The following RIPOR3 variants were observed in gnomAD, a reference collection of about 807,000 sequenced individuals.
RIPOR3 encodes RIPOR family member 3.
RIPOR3 carries 95 observed loss-of-function variants against 114.3 expected under a neutral mutation model. The observed-to-expected ratio is 0.83, with a 90% CI of 0.70 to 0.99. The LOEUF (loss-of-function observed/expected upper bound fraction) is 0.99, where lower values mean the gene tolerates loss of function less well. Ranked by LOEUF, RIPOR3 falls within the 50% of genes least tolerant of loss-of-function variation. The pLI, the probability that RIPOR3 is intolerant of heterozygous loss-of-function variation, is 0.00. For synonymous variants in RIPOR3, 575 were observed against 543.8 expected, an observed-to-expected ratio of 1.06 and a Z score of -0.80; for missense variants, 1,252 against 1,266.9, an observed-to-expected ratio of 0.99 and a Z score of 0.18.
At chr20:50,591,273 G>C (rs753212469) in intron 19 of RIPOR3, among the ~76,000 whole-genome samples, 4 of 152,184 alleles carry the variant, frequency 2.6e-5, no homozygotes, top group Non-Finnish European at 4.4e-5. Context: ...TAATTTTTTA[G>C]ATAAGATAAT....
intron 1 of RIPOR3, among the ~76,000 whole-genome samples, chr20:50,631,695 T>C (rs558617925): frequency 1.3e-5 from 2 of 152,316 alleles, no homozygotes; most frequent in Admixed American, 6.5e-5. Context: ...CCCCGATCCA[T>C]TGCCCAGTCT....
At chr20:50,587,358 C>G (rs17788230) in intron 21 of RIPOR3, 26 bp from the exon 22 acceptor site, 1 of 1,599,692 alleles carries the variant, frequency 6.3e-7, no homozygotes, top group South Asian at 1.1e-5. Context: ...GACCTGTCAG[C>G]GGGTTGGATC....
intron 2 of RIPOR3, among the ~76,000 whole-genome samples, chr20:50,621,954 C>A (rs967995327): frequency 1.3e-5 from 2 of 152,178 alleles, no homozygotes; most frequent in African/African-American, 4.8e-5. Context: ...ACCCTCATCA[C>A]AGCACAGAGC....
At chr20:50,641,881 A>G (rs1348387642) in intron 1 of RIPOR3, among the ~76,000 whole-genome samples, 1 of 152,084 alleles carries the variant, frequency 6.6e-6, no homozygotes, top group African/African-American at 2.4e-5. Context: ...TAACCCTCCC[A>G]ATGCAGGGCG....
At chr20:50,646,209 C>T (rs778301957) in intron 1 of RIPOR3, among the ~76,000 whole-genome samples, 1 of 152,122 alleles carries the variant, frequency 6.6e-6, no homozygotes. Context: ...CTCACTGCAA[C>T]CTCAATGTCC....
chr20:50,648,216 C>T (rs2085484527), intron 1 of RIPOR3, among the ~76,000 whole-genome samples: 1 of 151,654 alleles, frequency 6.6e-6, no homozygotes. Flanking sequence ...GCAGAGGTTG[C>T]AGTGAGCTGA....
chr20:50,656,875 A>C (rs1568932893), intron 1 of RIPOR3, among the ~76,000 whole-genome samples: 1 of 152,116 alleles, frequency 6.6e-6, no homozygotes, highest in Non-Finnish European at 1.5e-5. Flanking sequence ...ACCGTTTCCT[A>C]TGGATGGAAA....
Position 50,609,575 on chromosome 20 carries a change from C to T in RIPOR3, c.574G>A (p.Glu192Lys), listed in dbSNP as rs925915885. 3.0e-5 allele frequency: 43 copies of T among 1,424,812 alleles called. No individual in the cohort carries two copies. In the South Asian group the frequency reaches 4.4e-4, roughly 15 times the overall value. 88.3% of individuals were successfully genotyped at this position (1,424,812 alleles called of 1,614,324 possible). Residue 192 changes from glutamate to lysine, a missense_variant and splice_region_variant, in exon 7 of 22, where the codon GAG becomes AAG. By Grantham distance (56) the Glu-to-Lys change is moderately conservative. Transcript: ENST00000327979. ...ELGRSLHECA[E>K]DMWLIEGALE... is the part of the protein sequence containing the mutation. ...CAGCCCAGCTTGGCCCGGCCCACCTCGGCGCACTCGTGCAGGCTGCGGCCC... is the reference window on the plus strand; with the variant it reads ...CAGCCCAGCTTGGCCCGGCCCACCTTGGCGCACTCGTGCAGGCTGCGGCCC...
chr20:50,587,893 C>T lies in RIPOR3; in HGVS notation c.2662-1G>A. 2 of 1,614,086 alleles carry T rather than the reference C, an allele frequency of 1.2e-6. No individual in the cohort carries two copies. The highest frequency in any genetic ancestry group is 1.7e-6 in the Non-Finnish European group (2 of 1,180,046). On this transcript the variant is annotated splice_acceptor_variant, in intron 20 of 21. Coordinates refer to ENST00000327979, the MANE Select transcript of RIPOR3 (RefSeq NM_001290268.2). LOFTEE classifies it high-confidence loss of function. Reference sequence around the variant, plus strand: ...CAGTCTGGTCGATGCTTTCAATGCCCTGTTCGAGATTAGGAGAAAAAGAAC... The same window carrying T: ...CAGTCTGGTCGATGCTTTCAATGCCTTGTTCGAGATTAGGAGAAAAAGAAC...
At chr20:50,648,455 G>A (rs1281875152) in intron 1 of RIPOR3, among the ~76,000 whole-genome samples, 7 of 151,684 alleles carry the variant, frequency 4.6e-5, no homozygotes, top group African/African-American at 4.8e-5. Context: ...CTAAAGCAGC[G>A]GTCCCCAACC....
chr20:50,655,419 G>A (rs898158523), intron 1 of RIPOR3, among the ~76,000 whole-genome samples: 1 of 152,172 alleles, frequency 6.6e-6, no homozygotes, highest in Admixed American at 6.6e-5. Context: ...CCAGACACAC[G>A]GGCTCACTGC....
At chr20:50,607,501 C>T (rs1444545279) in intron 11 of RIPOR3, among the ~76,000 whole-genome samples, 1 of 152,182 alleles carries the variant, frequency 6.6e-6, no homozygotes, top group Non-Finnish European at 1.5e-5. Context: ...ACCAGAAGGC[C>T]TAGAGCTCAG....
At chr20:50,594,469 G>A in intron 17 of RIPOR3, 84 bp downstream of exon 17, 1 of 1,487,822 alleles carries the variant, frequency 6.7e-7, no homozygotes, top group Non-Finnish European at 9.2e-7. Flanking sequence ...GCTGAAATGA[G>A]GCCAGCTGTG....
chr20:50,662,716 C>A (rs1368458899), intron 1 of RIPOR3, among the ~76,000 whole-genome samples: 1 of 18,354 alleles, frequency 5.4e-5, no homozygotes, highest in Non-Finnish European at 1.1e-4. Flanking sequence ...CCTGGCCCCA[C>A]CACTCTCTGG....
intron 1 of RIPOR3, among the ~76,000 whole-genome samples, chr20:50,682,244 G>A (rs974866763): frequency 4.6e-5 from 7 of 152,216 alleles, no homozygotes; most frequent in Admixed American, 4.6e-4. Flanking sequence ...GTACACAGCA[G>A]AGAAAAGTGA....
At chr20:50,603,726 G>T (rs1036035547) in intron 12 of RIPOR3, among the ~76,000 whole-genome samples, 2 of 152,220 alleles carry the variant, frequency 1.3e-5, no homozygotes, top group African/African-American at 4.8e-5. Context: ...CACACGGGTG[G>T]TGAGTACAGT....
chr20:50,593,125 GTTC>G lies in RIPOR3; in HGVS notation c.2281_2283del (p.Glu761del), dbSNP rs369811190. ...TGAAACTGGAACCAGGTAATGATCT[GTTC>G]TTCTGGGAGCCCAGCTCCGGGGAGC... On this transcript the variant is annotated inframe_deletion, in exon 18 of 22. Coordinates refer to ENST00000327979, the MANE Select transcript of RIPOR3 (RefSeq NM_001290268.2). 1.1e-5 allele frequency: 17 copies of G among 1,613,878 alleles called. No individual in the cohort carries two copies. The highest frequency in any genetic ancestry group is 2.7e-5 in the African/African-American group (2 of 74,944).
chr20:50,669,631 C>T lies in RIPOR3; in HGVS notation c.3+21495G>A, dbSNP rs922474098. Among the ~76,000 whole-genome samples, 11 of 152,262 alleles carry T rather than the reference C, an allele frequency of 7.2e-5. No individual in the cohort carries two copies. The South Asian group carries it at 2.1e-3, about 29-fold the overall frequency. On this transcript the variant is annotated intron_variant, in intron 1 of 21. Coordinates refer to ENST00000327979, the MANE Select transcript of RIPOR3 (RefSeq NM_001290268.2). ...GAGGAAAGTGCTCTGAGACCACCCT[C>T]CAGCAGCTTAGGGGTGGGGCCCCTG...
chr20:50,672,904 C>T (rs373542981), intron 1 of RIPOR3, among the ~76,000 whole-genome samples: 2 of 152,198 alleles, frequency 1.3e-5, no homozygotes, highest in African/African-American at 4.8e-5. Context: ...TCCACAGGTG[C>T]GGGGACTGCT....
Sources: allele counts gnomAD v4.1 joint callset (sites outside exome capture counted in the v4.1 genomes callset), GRCh38; gene constraint gnomAD v4.1.1; transcripts MANE v1.5; gene names NCBI Gene and HGNC (gene_info 2026-07-23, HGNC 2026-07-21).